EVC2: variants seen among roughly 807,000 people sequenced by gnomAD.
The protein encoded by EVC2 is limbin.
In EVC2, 148 loss-of-function variants were observed where a neutral mutation model predicts 149.3. The ratio of observed to expected loss-of-function variants is 0.99; its 90% CI spans 0.87 to 1.14. The LOEUF (loss-of-function observed/expected upper bound fraction) is 1.14. Among genes scored for constraint, EVC2 ranks in the 50% most tolerant of loss-of-function variants. The pLI is 0.00. For missense variants in EVC2, 1,854 were observed against 1,627.3 expected (o/e 1.14, Z -2.40); for synonymous variants, 776 against 649.9 (o/e 1.19, Z -2.95).
chr4:5,597,333 A>T (rs1193323332), intron 16 of EVC2, among the ~76,000 whole-genome samples: 1 of 152,228 alleles, frequency 6.6e-6, no homozygotes, highest in African/African-American at 2.4e-5. Context: ...ATACAGGCAA[A>T]CCAAAGCCAG....
chr4:5,568,586 G>A lies in EVC2; in HGVS notation c.3415C>T (p.Leu1139Phe). Residue 1139 changes from leucine to phenylalanine, a missense_variant, in exon 20 of 22, where the codon CTT (leucine) becomes TTT (phenylalanine). Coordinates refer to ENST00000344408, the MANE Select transcript of EVC2 (RefSeq NM_147127.5). ...ARMAMVPGAT[L>F]RRLLSVVLPT... is the part of the protein sequence containing the mutation. ...AGTACCACACTCAGGAGCCGGCGAAGCGTGGCCCCGGGCACCATGGCCATC... is the reference window on the plus strand; with the variant it reads ...AGTACCACACTCAGGAGCCGGCGAAACGTGGCCCCGGGCACCATGGCCATC... 1 of 1,608,568 alleles carries A rather than the reference G, an allele frequency of 6.2e-7. No homozygotes were observed. The highest frequency in any genetic ancestry group is 8.5e-7 in the Non-Finnish European group (1 of 1,179,714).
rs925177582 is a variant in EVC2, at chr4:5,636,873, T to C, written c.1470+3641A>G. On this transcript the variant is annotated intron_variant, in intron 10 of 21. Transcript: ENST00000344408. This position sits in a 1 kb window ranked among gnomAD's most constrained non-coding sequence, Gnocchi z 4.6. ...GATAATTATAAAGCAGTCTGTGGTTTTGTGAGATGGAATCACTTGCATGGA... is the reference window on the plus strand; with the variant it reads ...GATAATTATAAAGCAGTCTGTGGTTCTGTGAGATGGAATCACTTGCATGGA... 1.1e-4 allele frequency among the ~76,000 whole-genome samples: 16 copies of C among 152,250 alleles called. No homozygotes were observed. The highest frequency in any genetic ancestry group is 8.5e-4 in the Admixed American group (13 of 15,292).
intron 9 of EVC2, among the ~76,000 whole-genome samples, chr4:5,641,724 C>T (rs1717342539): frequency 6.6e-6 from 1 of 152,164 alleles, no homozygotes; most frequent in South Asian, 2.1e-4. Context: ...GATTCATTCA[C>T]TGTGAATCCA....
intron 16 of EVC2, among the ~76,000 whole-genome samples, chr4:5,600,030 C>G (rs1208828061): frequency 1.3e-5 from 2 of 152,196 alleles, no homozygotes; most frequent in African/African-American, 2.4e-5. Context: ...TCTACATTAT[C>G]AAAGTGCAAA....
chr4:5,626,909 G>C (rs1577176826), intron 12 of EVC2, among the ~76,000 whole-genome samples: 2 of 152,062 alleles, frequency 1.3e-5, no homozygotes, highest in African/African-American at 4.8e-5. Flanking sequence ...CTTCAGATTT[G>C]GACTGAATTA....
chr4:5,529,302 A>T, the EVC2 span, among the ~76,000 whole-genome samples: 5 of 152,184 alleles, frequency 3.3e-5, no homozygotes, highest in African/African-American at 1.2e-4. This position sits in a 1 kb window ranked among gnomAD's most constrained non-coding sequence, Gnocchi z 4.5. Context: ...TTTCATCCTC[A>T]TCTGTCTCGC....
the EVC2 span, among the ~76,000 whole-genome samples, chr4:5,536,577 G>A: frequency 9.9e-5 from 15 of 152,252 alleles, no homozygotes; most frequent in Non-Finnish European, 1.8e-4. Context: ...GAGGTCAGGA[G>A]ATCGAGACCA....
chr4:5,533,721 GCTGA>G, the EVC2 span, among the ~76,000 whole-genome samples: 1 of 152,204 alleles, frequency 6.6e-6, no homozygotes, highest in Non-Finnish European at 1.5e-5. Flanking sequence ...CGCTAAGAAA[GCTGA>G]CTGCCACAGC....
chr4:5,610,665 C>A (rs566073490), intron 16 of EVC2, among the ~76,000 whole-genome samples: 1 of 152,274 alleles, frequency 6.6e-6, no homozygotes, highest in South Asian at 2.1e-4. Flanking sequence ...TTCACCTCCC[C>A]ATCCCTTGAA....
intron 9 of EVC2, among the ~76,000 whole-genome samples, chr4:5,656,225 C>T (rs994993538): frequency 2.0e-5 from 3 of 152,176 alleles, no homozygotes; most frequent in Admixed American, 6.5e-5. Context: ...GAGAGGTAAC[C>T]GTTCCCAGCA....
rs374839346 is a variant in EVC2 at position 5,618,694 on chromosome 4, A to C, written c.2502-12T>G. ...AGGAGCAGAGCTTCCTGGGAGGAAG[A>C]ACAGAGACACACTCTTAACACAGAG... is the stretch of plus-strand genomic sequence containing the variant. On this transcript the variant is annotated splice_polypyrimidine_tract_variant and intron_variant, in intron 14 of 21. Coordinates refer to ENST00000344408, the MANE Select transcript of EVC2 (RefSeq NM_147127.5). The surrounding 1 kb of genome is among the most constrained non-coding windows in gnomAD (Gnocchi z 4.4). The C allele has an allele frequency of 2.0e-5, 31 of 1,577,716 alleles. No homozygotes were observed. Among genetic ancestry groups the C allele is most frequent in the Non-Finnish European group, 2.7e-5 (31 of 1,161,182 alleles).
At chr4:5,632,697 T>C (rs1716638331) in intron 10 of EVC2, among the ~76,000 whole-genome samples, 1 of 152,194 alleles carries the variant, frequency 6.6e-6, no homozygotes, top group African/African-American at 2.4e-5. Flanking sequence ...TAGAAATGGC[T>C]GCTTGGATGC....
intron 17 of EVC2, among the ~76,000 whole-genome samples, chr4:5,583,417 T>C (rs1250724221): frequency 6.6e-6 from 1 of 152,264 alleles, no homozygotes; most frequent in Non-Finnish European, 1.5e-5. Flanking sequence ...ATAATTCATA[T>C]ATGAGACTGG....
Position 5,576,491 on chromosome 4 carries a change from A to C in EVC2, c.3058-37T>G. On this transcript the variant is annotated intron_variant, in intron 17 of 21. Transcript: ENST00000344408. This position sits in a 1 kb window ranked among gnomAD's most constrained non-coding sequence, Gnocchi z 4.5. ...AGGGGCAGAGGGTAAGCACCACTGCACAAGGCGGGTGGGGTGGAGGACAAA... is the reference window on the plus strand; with the variant it reads ...AGGGGCAGAGGGTAAGCACCACTGCCCAAGGCGGGTGGGGTGGAGGACAAA... 2 of 1,551,212 alleles carry C rather than the reference A, an allele frequency of 1.3e-6. No individual in the cohort carries two copies. The highest frequency in any genetic ancestry group is 8.7e-7 in the Non-Finnish European group (1 of 1,151,638).
At chr4:5,559,363 G>C (rs1721896265), downstream of EVC2, among the ~76,000 whole-genome samples, 2 of 152,132 alleles carry the variant, frequency 1.3e-5, no homozygotes, top group African/African-American at 4.8e-5. The surrounding 1 kb of genome is among the most constrained non-coding windows in gnomAD (Gnocchi z 5.0). Context: ...AAACAGGTTA[G>C]TATGTACATG....
At position 5,679,194 on chromosome 4, in the gene EVC2, C is replaced by G. The variant is rs138421092; in HGVS notation, c.870+2066G>C. On this transcript the variant is annotated intron_variant, in intron 7 of 21. Coordinates refer to ENST00000344408, the MANE Select transcript of EVC2 (RefSeq NM_147127.5). This position sits in a 1 kb window ranked among gnomAD's most constrained non-coding sequence, Gnocchi z 5.1. Reference sequence around the variant, plus strand: ...TGAAGGCGTAGGGTATGACTGTACACGACTATAGACTTTAGAAACACTGTA... The same window carrying G: ...TGAAGGCGTAGGGTATGACTGTACAGGACTATAGACTTTAGAAACACTGTA... Among the ~76,000 whole-genome samples, 2 of 151,942 alleles carry G rather than the reference C, an allele frequency of 1.3e-5. No individual in the cohort carries two copies. The highest frequency in any genetic ancestry group is 1.3e-4 in the Admixed American group (2 of 15,244).
chr4:5,556,991 G>A (rs982055250), intron 21 of EVC2, among the ~76,000 whole-genome samples: 6 of 152,028 alleles, frequency 3.9e-5, no homozygotes, highest in Non-Finnish European at 1.5e-5. Flanking sequence ...GTGAATTTTA[G>A]TAAACGTTTA....
chr4:5,548,144 C>T (rs1182232605), intron 21 of EVC2, among the ~76,000 whole-genome samples: 2 of 152,096 alleles, frequency 1.3e-5, no homozygotes, highest in Non-Finnish European at 2.9e-5. Context: ...GCCTTGCTGC[C>T]TTTGGCAGGC....
chr4:5,688,600 G>A (rs536324650), intron 5 of EVC2, among the ~76,000 whole-genome samples: 2 of 152,254 alleles, frequency 1.3e-5, no homozygotes, highest in Admixed American at 1.3e-4. Context: ...CTCAGGAAAC[G>A]AACCTCTGAA....
Sources: gnomAD v4.1 joint callset for allele counts (sites outside exome capture counted in the v4.1 genomes callset) on GRCh38, gnomAD v4.1.1 for gene constraint, Gnocchi (gnomAD v3.1) non-coding constraint, MANE v1.5 for transcripts, NCBI Gene and HGNC (gene_info 2026-07-23, HGNC 2026-07-21) for gene names.